The following MED13L variants were observed in gnomAD, a reference collection of about 807,000 sequenced individuals.
The protein encoded by MED13L is mediator complex subunit 13L, also known as mediator of RNA polymerase II transcription subunit 13-like.
MED13L carries 7 observed loss-of-function variants against 220.9 expected under a neutral mutation model. The ratio of observed to expected loss-of-function variants is 0.03; its 90% CI spans 0.02 to 0.06. The LOEUF (loss-of-function observed/expected upper bound fraction) is 0.06. MED13L is among the 10% of genes least tolerant of loss of function. MED13L has a pLI of 1.00. For missense variants in MED13L, 1,965 were observed against 2,760.5 expected, an observed-to-expected ratio of 0.71 and a Z score of 6.46; for synonymous variants, 1,011 against 1,015.2, an observed-to-expected ratio of 1.00 and a Z score of 0.08.
At chr12:116,154,473 T>C (rs978721502) in intron 2 of MED13L, among the ~76,000 whole-genome samples, 102 of 152,224 alleles carry the variant, frequency 6.7e-4, no homozygotes, top group Non-Finnish European at 1.6e-4. Context: ...AGGAAAACTC[T>C]ACTTTTTTAA....
intron 1 of MED13L, among the ~76,000 whole-genome samples, chr12:116,240,117 CTTTT>C (rs200079083): frequency 6.8e-6 from 1 of 147,500 alleles, no homozygotes; most frequent in Non-Finnish European, 1.5e-5. Context: ...TTACAAGTTC[CTTTT>C]TTTTTTTCTG....
chr12:116,021,488 A>G (rs919835086), intron 5 of MED13L, among the ~76,000 whole-genome samples: 1 of 152,122 alleles, frequency 6.6e-6, no homozygotes, highest in Non-Finnish European at 1.5e-5. Context: ...TGGGTTTTGA[A>G]TTTTCTAGTA....
chr12:116,227,718 T>C (rs1869144536), intron 2 of MED13L, among the ~76,000 whole-genome samples: 1 of 152,090 alleles, frequency 6.6e-6, no homozygotes, highest in East Asian at 1.9e-4. Flanking sequence ...TCAAGCCTAG[T>C]TGCTAGAAAC....
intron 2 of MED13L, among the ~76,000 whole-genome samples, chr12:116,228,219 A>G (rs1869197625): frequency 6.6e-6 from 1 of 152,228 alleles, no homozygotes; most frequent in African/African-American, 2.4e-5. Context: ...ATAAAGACAC[A>G]AGGAGAAGCA....
At chr12:116,220,623 C>T (rs926065882) in intron 2 of MED13L, among the ~76,000 whole-genome samples, 2 of 152,092 alleles carry the variant, frequency 1.3e-5, no homozygotes, top group African/African-American at 4.8e-5. Context: ...CACTTGATCC[C>T]GGGAGGCGGA....
chr12:116,153,928 C>CT (rs1878244328), intron 2 of MED13L, among the ~76,000 whole-genome samples: 1 of 152,114 alleles, frequency 6.6e-6, no homozygotes, highest in Admixed American at 6.5e-5. Flanking sequence ...CAGAAATGGC[C>CT]TTAATGCGTA....
chr12:116,183,952 A>G (rs1344213973), intron 2 of MED13L, among the ~76,000 whole-genome samples: 2 of 152,098 alleles, frequency 1.3e-5, no homozygotes, highest in African/African-American at 4.8e-5. Flanking sequence ...AGGTTTGTAC[A>G]TTACACTTAG....
chr12:116,008,588 T>G lies in MED13L; in HGVS notation c.1825A>C (p.Met609Leu), dbSNP rs1472510111. ...AAGGCTGTCTCGCTGACCTCTGCCA[T>G]GAGAGGCAGTCTTTGGCCTACGAGG... ...TVLVGQRLPL[M>L]AEVSETALYC... Residue 609 changes from methionine to leucine, a missense_variant, in exon 10 of 31, where the codon ATG becomes CTG. Physicochemically the swap from Met to Leu is conservative, Grantham distance 15 (BLOSUM62 2). Transcript: ENST00000281928. The G allele has an allele frequency of 1.2e-6, 2 of 1,613,880 alleles. No homozygotes were observed. The highest frequency in any genetic ancestry group is 2.7e-5 in the African/African-American group (2 of 74,890).
chr12:115,993,549 A>AGAT (rs1164963473), intron 16 of MED13L, among the ~76,000 whole-genome samples: 11 of 151,966 alleles, frequency 7.2e-5, no homozygotes, highest in African/African-American at 2.7e-4. Context: ...CTTTGAGTAC[A>AGAT]GATAAAAAAA....
chr12:116,120,015 G>T (rs1401473799), intron 2 of MED13L, among the ~76,000 whole-genome samples: 1 of 151,572 alleles, frequency 6.6e-6, no homozygotes, highest in East Asian at 1.9e-4. Context: ...TCCTCAAGGG[G>T]AAGCAATTTA....
chr12:116,266,784 C>A (rs539055609), intron 1 of MED13L, among the ~76,000 whole-genome samples: 1 of 152,264 alleles, frequency 6.6e-6, no homozygotes, highest in Non-Finnish European at 1.5e-5. Flanking sequence ...AAATTCTAAA[C>A]CTCTAGATAC....
At chr12:116,130,588 C>T (rs1452652758) in intron 2 of MED13L, among the ~76,000 whole-genome samples, 4 of 152,226 alleles carry the variant, frequency 2.6e-5, no homozygotes, top group Non-Finnish European at 5.9e-5. Flanking sequence ...TTCTCTCACA[C>T]ACTGAGCTCC....
intron 2 of MED13L, among the ~76,000 whole-genome samples, chr12:116,168,791 T>C (rs1288321235): frequency 6.6e-6 from 1 of 152,204 alleles, no homozygotes; most frequent in Non-Finnish European, 1.5e-5. Context: ...GATCCCTTTA[T>C]AACTCTTAAA....
intron 4 of MED13L, among the ~76,000 whole-genome samples, chr12:116,054,274 C>T (rs757161607): frequency 1.1e-4 from 16 of 152,122 alleles, no homozygotes; most frequent in Middle Eastern, 3.4e-3. Context: ...TTCTCATGTT[C>T]TATACTCTGG....
At chr12:116,138,743 A>C (rs1315008751) in intron 2 of MED13L, among the ~76,000 whole-genome samples, 1 of 152,262 alleles carries the variant, frequency 6.6e-6, no homozygotes, top group Non-Finnish European at 1.5e-5. Flanking sequence ...TTGACAGTGA[A>C]ATGTGTGAAC....
chr12:116,105,587 A>G (rs544902748), intron 3 of MED13L, among the ~76,000 whole-genome samples: 7 of 148,902 alleles, frequency 4.7e-5, no homozygotes, highest in African/African-American at 1.4e-4. Context: ...AGAAGCCAAT[A>G]AGACTCAAAG....
chr12:116,096,123 G>T (rs1289443072), intron 4 of MED13L, among the ~76,000 whole-genome samples: 1 of 151,892 alleles, frequency 6.6e-6, no homozygotes, highest in East Asian at 1.9e-4. Flanking sequence ...AGAGGCCAAG[G>T]TGGGCAGATG....
At chr12:115,973,706 T>C (rs1026306070) in intron 25 of MED13L, among the ~76,000 whole-genome samples, 4 of 152,204 alleles carry the variant, frequency 2.6e-5, no homozygotes, top group African/African-American at 9.6e-5. Flanking sequence ...AGATAGAAAA[T>C]TCTGACAGAA....
At chr12:116,058,917 A>G (rs776514797) in intron 4 of MED13L, among the ~76,000 whole-genome samples, 2 of 152,234 alleles carry the variant, frequency 1.3e-5, no homozygotes, top group Non-Finnish European at 2.9e-5. Context: ...AGGTCAAAAT[A>G]TGGTACAAGT....
Sources: allele counts gnomAD v4.1 joint callset (sites outside exome capture counted in the v4.1 genomes callset), GRCh38; gene constraint gnomAD v4.1.1; transcripts MANE v1.5; gene names NCBI Gene and HGNC (gene_info 2026-07-23, HGNC 2026-07-21).